Variants in ENTPD1 observed in about 807,000 individuals in gnomAD.
ENTPD1 encodes ATP diphosphohydrolase.
A neutral mutation model predicts 57.0 loss-of-function variants in ENTPD1; 33 were observed. The observed-to-expected ratio is 0.58, with a 90% CI of 0.44 to 0.77. The LOEUF is 0.77. Among genes scored for constraint, ENTPD1 ranks in the 30% least tolerant of loss-of-function variants. The pLI, the probability that ENTPD1 is intolerant of heterozygous loss-of-function variation, is 0.00. For synonymous variants in ENTPD1, 202 were observed against 218.8 expected, an observed-to-expected ratio of 0.92 and a Z score of 0.68; for missense variants, 501 against 603.4, an observed-to-expected ratio of 0.83 and a Z score of 1.78.
intron 2 of ENTPD1, among the ~76,000 whole-genome samples, chr10:95,824,070 C>G (rs943874310): frequency 3.3e-5 from 5 of 152,168 alleles, no homozygotes; most frequent in Admixed American, 6.5e-5. Flanking sequence ...ACATGAATAT[C>G]TCACAAGTAC....
chr10:95,786,670 T>C (rs2140231140), intron 1 of ENTPD1, among the ~76,000 whole-genome samples: 1 of 152,274 alleles, frequency 6.6e-6, no homozygotes, highest in African/African-American at 2.4e-5. Flanking sequence ...TCAGCATATC[T>C]TAAAATGACA....
intron 1 of ENTPD1, among the ~76,000 whole-genome samples, chr10:95,738,433 C>T (rs1293293622): frequency 6.6e-6 from 1 of 152,172 alleles, no homozygotes; most frequent in Non-Finnish European, 1.5e-5. Flanking sequence ...GAGGGAGGCC[C>T]CTTGCTTGGC....
intron 1 of ENTPD1, among the ~76,000 whole-genome samples, chr10:95,712,497 G>A (rs1013081452): frequency 6.6e-6 from 1 of 152,228 alleles, no homozygotes; most frequent in African/African-American, 2.4e-5. Context: ...TAGGTGACCA[G>A]TCTAAAAATG....
intron 6 of ENTPD1, among the ~76,000 whole-genome samples, chr10:95,846,785 C>T (rs1029534327): frequency 7.2e-5 from 11 of 151,826 alleles, no homozygotes; most frequent in African/African-American, 2.2e-4. Context: ...GTCCGGAGTT[C>T]GAGACCAGCC....
At chr10:95,811,790 A>G (rs1174073759) in intron 1 of ENTPD1, among the ~76,000 whole-genome samples, 2 of 152,232 alleles carry the variant, frequency 1.3e-5, no homozygotes, top group Non-Finnish European at 2.9e-5. Context: ...TGTATTATGA[A>G]TGTGGTAGAA....
chr10:95,753,495 A>C (rs1283000133), upstream of ENTPD1: 2 of 152,206 alleles, frequency 1.3e-5, no homozygotes, highest in South Asian at 2.1e-4. Flanking sequence ...ATGAACTTCA[A>C]ATATTTATGA....
At chr10:95,761,729 C>T (rs540800143) in intron 1 of ENTPD1, among the ~76,000 whole-genome samples, 2 of 152,298 alleles carry the variant, frequency 1.3e-5, no homozygotes, top group African/African-American at 2.4e-5. Flanking sequence ...TGCATGTCTC[C>T]ACCTTTTCTC....
intron 1 of ENTPD1, among the ~76,000 whole-genome samples, chr10:95,797,300 A>G (rs2098230365): frequency 1.3e-5 from 2 of 152,216 alleles, no homozygotes; most frequent in South Asian, 4.1e-4. Context: ...CCAAGCAGAT[A>G]TGTCCAGTAG....
intron 1 of ENTPD1, among the ~76,000 whole-genome samples, chr10:95,738,002 T>A (rs894424900): frequency 1.3e-5 from 2 of 152,108 alleles, no homozygotes; most frequent in Non-Finnish European, 2.9e-5. Context: ...GAGGAAAACC[T>A]GGTGGAACAA....
intron 1 of ENTPD1, among the ~76,000 whole-genome samples, chr10:95,775,801 C>T (rs182242903): frequency 0.011 from 1,618 of 152,092 alleles, 20 homozygotes; most frequent in Admixed American, 0.014. Context: ...TCTAAGGACT[C>T]GCTTTATGAA....
intron 1 of ENTPD1, among the ~76,000 whole-genome samples, chr10:95,788,508 G>A (rs771118731): frequency 6.6e-5 from 10 of 151,754 alleles, no homozygotes; most frequent in Non-Finnish European, 1.2e-4. Context: ...TCCCAGATAC[G>A]TTGGAGGCTG....
At chr10:95,825,370 CA>C (rs1485827252) in intron 2 of ENTPD1, among the ~76,000 whole-genome samples, 1 of 151,954 alleles carries the variant, frequency 6.6e-6, no homozygotes, top group Non-Finnish European at 1.5e-5. Context: ...GAATAAGAAA[CA>C]AAAAAACTTT....
intron 1 of ENTPD1, among the ~76,000 whole-genome samples, chr10:95,799,491 C>A (rs1032401633): frequency 6.6e-6 from 1 of 152,124 alleles, no homozygotes; most frequent in African/African-American, 2.4e-5. Context: ...TTTTTTATGG[C>A]TGTATAGTAT....
chr10:95,721,687 GA>G (rs34429102), intron 1 of ENTPD1, among the ~76,000 whole-genome samples: 49,635 of 147,370 alleles, frequency 0.34, 8,809 homozygotes, highest in East Asian at 0.61. Context: ...TTTCCTATCT[GA>G]AAAAAAAAAA....
chr10:95,873,458 T>C lies in ENTPD1; in HGVS notation c.*7075T>C. 1.0e-6 allele frequency: 1 copy of C among 985,520 alleles called. No individual in the cohort carries two copies. Among genetic ancestry groups the C allele is most frequent in the Non-Finnish European group, 1.2e-6 (1 of 829,994 alleles). The allele number at this position is 985,520 out of a possible 1,614,324, so 61.0% of individuals were successfully genotyped here. On this transcript the variant is annotated 3_prime_UTR_variant, in exon 10 of 10. Transcript: ENST00000371205. ...CCTGGAGTGCTTAAGAGGGATTTCT[T>C]CCAGCTCTCTTGCCCTGGTCTTCAG...
Position 95,869,036 on chromosome 10 carries a change from T to C in ENTPD1, c.*2653T>C. 1.0e-6 allele frequency: 1 copy of C among 985,298 alleles called. No homozygotes were observed. The highest frequency in any genetic ancestry group is 1.7e-5 in the African/African-American group (1 of 57,306). The allele number at this position is 985,298 out of a possible 1,614,324, so 61.0% of individuals were successfully genotyped here. ...TCTGGGTGGGGTAGGTGAAATAAGA[T>C]TGGTCACTGTTAACTAATTTTAATA... On this transcript the variant is annotated 3_prime_UTR_variant, in exon 10 of 10. Transcript: ENST00000371205.
intron 9 of ENTPD1, 103 bp from the exon 10 acceptor site, chr10:95,866,074 T>G: frequency 6.8e-7 from 1 of 1,475,110 alleles, no homozygotes; most frequent in Non-Finnish European, 9.3e-7. Context: ...CAGTGATTTA[T>G]ATTGTTTGAA....
intron 4 of ENTPD1, chr10:95,843,253 G>A (rs1012649846): frequency 5.3e-5 from 8 of 152,220 alleles, no homozygotes; most frequent in African/African-American, 1.9e-4. Context: ...CAGTGAACAG[G>A]ACAAAGTCTC....
rs2098482151 is a variant in ENTPD1, at chr10:95,872,999, C to T, written c.*6616C>T. ...TTAGAATGAACCTTAAAAGATCATG[C>T]ATCTCAAAATTTAATGTACATACAA... is the stretch of plus-strand genomic sequence containing the variant. On this transcript the variant is annotated 3_prime_UTR_variant, in exon 10 of 10. Coordinates refer to ENST00000371205, the MANE Select transcript of ENTPD1 (RefSeq NM_001776.6). 2.0e-6 allele frequency: 2 copies of T among 984,200 alleles called. No homozygotes were observed. Among genetic ancestry groups the T allele is most frequent in the South Asian group, 4.7e-5 (1 of 21,266 alleles). The allele number at this position is 984,200 out of a possible 1,614,324, so 61.0% of individuals were successfully genotyped here.
Sources: allele counts gnomAD v4.1 joint callset (sites outside exome capture counted in the v4.1 genomes callset), GRCh38; gene constraint gnomAD v4.1.1; transcripts MANE v1.5; gene names NCBI Gene and HGNC (gene_info 2026-07-23, HGNC 2026-07-21).